MTUS1: variants seen among roughly 807,000 people sequenced by gnomAD.
MTUS1 encodes the protein microtubule-associated tumor suppressor 1.
A neutral mutation model predicts 120.8 loss-of-function variants in MTUS1; 109 were observed. The observed-to-expected ratio is 0.90, with a 90% CI of 0.77 to 1.06. MTUS1 has a LOEUF of 1.06. Among genes scored for constraint, MTUS1 ranks in the 50% least tolerant of loss-of-function variants. The probability of loss-of-function intolerance (pLI) is 0.00; values close to 1 mark genes in which losing one functional copy is unlikely to be tolerated. For missense variants in MTUS1, 2,210 were observed against 1,486.3 expected, an observed-to-expected ratio of 1.49 and a Z score of -8.01; for synonymous variants, 737 against 550.5, an observed-to-expected ratio of 1.34 and a Z score of -4.74.
At chr8:17,730,235 T>G (rs936120586) in intron 3 of MTUS1, among the ~76,000 whole-genome samples, 1 of 152,140 alleles carries the variant, frequency 6.6e-6, no homozygotes. Flanking sequence ...CCCAGCACTT[T>G]GGGAGGCCAA....
intron 1 of MTUS1, among the ~76,000 whole-genome samples, chr8:17,774,994 C>A (rs868709091): frequency 0.038 from 2,662 of 69,728 alleles, 32 homozygotes; most frequent in South Asian, 0.088. Context: ...AAAAAAAAAA[C>A]CAGAAAAGGA....
At chr8:17,683,462 C>G (rs1006004044) in intron 7 of MTUS1, among the ~76,000 whole-genome samples, 1 of 152,122 alleles carries the variant, frequency 6.6e-6, no homozygotes, top group Non-Finnish European at 1.5e-5. Flanking sequence ...GAACAGTTTT[C>G]TTTTTGCTTT....
At chr8:17,714,502 G>C (rs1368117525) in intron 5 of MTUS1, among the ~76,000 whole-genome samples, 1 of 152,162 alleles carries the variant, frequency 6.6e-6, no homozygotes, top group East Asian at 1.9e-4. Context: ...ACTCACATTT[G>C]AAGAGGTTCA....
intron 8 of MTUS1, among the ~76,000 whole-genome samples, chr8:17,658,107 G>T (rs1057197889): frequency 1.4e-5 from 2 of 147,106 alleles, no homozygotes; most frequent in Non-Finnish European, 3.0e-5. Context: ...ACACAATCTT[G>T]GCTCACTGCA....
chr8:17,775,477 C>A (rs184631022), intron 1 of MTUS1, among the ~76,000 whole-genome samples: 90 of 152,230 alleles, frequency 5.9e-4, no homozygotes, highest in African/African-American at 2.1e-3. Context: ...GCATGCATCA[C>A]GCCCTACACA....
chr8:17,675,016 C>CT, intron 8 of MTUS1, 170 bp downstream of exon 8: 1 of 1,414,802 alleles, frequency 7.1e-7, no homozygotes, highest in Non-Finnish European at 9.2e-7. Flanking sequence ...GAAGGTCAAG[C>CT]TGCCAAGATT....
intron 1 of MTUS1, among the ~76,000 whole-genome samples, chr8:17,791,113 C>A (rs866570050): frequency 6.6e-6 from 1 of 152,112 alleles, no homozygotes; most frequent in Non-Finnish European, 1.5e-5. Flanking sequence ...GGAAATGGAC[C>A]GGTACAAGTC....
At chr8:17,655,754 T>C in intron 9 of MTUS1, 109 bp downstream of exon 9, 1 of 936,168 alleles carries the variant, frequency 1.1e-6, no homozygotes, top group African/African-American at 1.6e-5. Context: ...CAACATGCTT[T>C]TTATACCTAT....
chr8:17,747,129 T>A (rs1191233182), intron 2 of MTUS1, among the ~76,000 whole-genome samples: 1 of 152,222 alleles, frequency 6.6e-6, no homozygotes, highest in Non-Finnish European at 1.5e-5. Flanking sequence ...AGATAACATC[T>A]TCTTCACAAG....
At chr8:17,654,052 C>G (rs867263507) in intron 10 of MTUS1, 1 of 163,384 alleles carries the variant, frequency 6.1e-6, no homozygotes, top group African/African-American at 2.4e-5. Flanking sequence ...CCACGCTGCT[C>G]TGTAAGATGC....
chr8:17,767,469 G>A lies in MTUS1; in HGVS notation c.-154-11508C>T, dbSNP rs147631666. ...CCCAAAACATTAGGAGTCCAAGGCAGGAGGATTGCTTGAGGCCTGGAGTTT... is the reference window on the plus strand; with the variant it reads ...CCCAAAACATTAGGAGTCCAAGGCAAGAGGATTGCTTGAGGCCTGGAGTTT... On this transcript the variant is annotated intron_variant, in intron 1 of 14. Coordinates refer to ENST00000693296, the MANE Select transcript of MTUS1 (RefSeq NM_001363059.2). Among the ~76,000 whole-genome samples, 106 of 151,742 alleles carry A rather than the reference G, an allele frequency of 7.0e-4. 2 individuals are homozygous for A. The East Asian group carries it at 0.017, about 25-fold the overall frequency.
At chr8:17,729,111 G>C (rs537087557) in intron 3 of MTUS1, among the ~76,000 whole-genome samples, 3 of 152,192 alleles carry the variant, frequency 2.0e-5, no homozygotes, top group African/African-American at 7.2e-5. Context: ...GAATATGTCT[G>C]TAGCTATAAT....
Position 17,646,089 on chromosome 8 carries a change from G to T in MTUS1, c.3650C>A (p.Ser1217Ter). Residue 1217 changes from serine (S) to a stop codon, truncating the protein, a stop_gained, in exon 15 of 15, where the codon TCG becomes TAG. Transcript: ENST00000693296. LOFTEE classifies it high-confidence loss of function. ...AVLQESLEKE[S>*]KVNKRLSMEN... The stretch of plus-strand genomic sequence containing the variant: ...CATAGAGAGTCGCTTGTTGACTTTC[G>T]ACTCCTTCTCCAGCGACTCTTGCAG... 1 of 1,612,822 alleles carries T rather than the reference G, an allele frequency of 6.2e-7. No homozygotes were observed. Among genetic ancestry groups the T allele is most frequent in the Non-Finnish European group, 8.5e-7 (1 of 1,179,738 alleles).
chr8:17,737,162 CTG>C (rs2046994297), intron 3 of MTUS1, among the ~76,000 whole-genome samples: 2 of 152,178 alleles, frequency 1.3e-5, no homozygotes, highest in Non-Finnish European at 2.9e-5. Flanking sequence ...AGAGCACAGA[CTG>C]TGGGGCCAGA....
At chr8:17,787,430 G>A (rs1157504318) in intron 1 of MTUS1, among the ~76,000 whole-genome samples, 4 of 152,122 alleles carry the variant, frequency 2.6e-5, no homozygotes, top group Admixed American at 1.3e-4. Flanking sequence ...TAGCAGCAAT[G>A]GACATTAAAC....
chr8:17,668,292 C>G (rs1019337270), intron 8 of MTUS1, among the ~76,000 whole-genome samples: 1 of 152,162 alleles, frequency 6.6e-6, no homozygotes, highest in South Asian at 2.1e-4. Flanking sequence ...AATTCTTCTT[C>G]CAACGTGGCC....
rs768654519 is a variant in MTUS1, at chr8:17,713,261, T to C, written c.2585-9A>G. ...ATTTTTTCTCGAAGGACCTAAGATA[T>C]AAAAGAAACATGTAAAATACATATG... is the stretch of plus-strand genomic sequence containing the variant. On this transcript the variant is annotated splice_polypyrimidine_tract_variant and intron_variant, in intron 5 of 14. Transcript: ENST00000693296. 6.6e-7 allele frequency: 1 copy of C among 1,505,104 alleles called. No individual in the cohort carries two copies. The highest frequency in any genetic ancestry group is 9.2e-7 in the Non-Finnish European group (1 of 1,084,748). 93.2% of individuals were successfully genotyped at this position (1,505,104 alleles called of 1,614,324 possible). A position where few individuals can be genotyped will look rare whatever the true frequency, so the allele number is the denominator to read the frequency against.
At chr8:17,744,639 T>G (rs570593216) in intron 2 of MTUS1, among the ~76,000 whole-genome samples, 2 of 144,416 alleles carry the variant, frequency 1.4e-5, no homozygotes, top group African/African-American at 5.1e-5. Context: ...AGTTTTGTAT[T>G]TTTTTTTTGG....
At chr8:17,784,879 G>A (rs750768181) in intron 1 of MTUS1, among the ~76,000 whole-genome samples, 1 of 151,832 alleles carries the variant, frequency 6.6e-6, no homozygotes, top group African/African-American at 2.4e-5. Context: ...CCGCCTCCCG[G>A]CTTCAAGTGA....
Sources: gnomAD v4.1 joint callset for allele counts (sites outside exome capture counted in the v4.1 genomes callset) on GRCh38, gnomAD v4.1.1 for gene constraint, MANE v1.5 for transcripts, NCBI Gene and HGNC (gene_info 2026-07-23, HGNC 2026-07-21) for gene names.